Variants in NLGN4X observed in about 807,000 individuals in gnomAD.
The protein encoded by NLGN4X is neuroligin-4, X-linked.
NLGN4X carries 3 observed loss-of-function variants against 40.3 expected under a neutral mutation model. The observed-to-expected ratio is 0.07, with a 90% CI of 0.03 to 0.19. NLGN4X has a LOEUF of 0.19. Ranked by LOEUF, NLGN4X falls within the 10% of genes least tolerant of loss-of-function variation. The pLI, the probability that NLGN4X is intolerant of heterozygous loss-of-function variation, is 1.00. For synonymous variants in NLGN4X, 270 were observed against 306.8 expected, an observed-to-expected ratio of 0.88 and a Z score of 1.25; for missense variants, 382 against 708.3, an observed-to-expected ratio of 0.54 and a Z score of 5.23.
At chrX:6,167,577 A>C (rs1237607719) in intron 1 of NLGN4X, among the ~76,000 whole-genome samples, 1 of 112,199 alleles carries the variant, frequency 8.9e-6, no homozygotes, top group Non-Finnish European at 1.9e-5. Flanking sequence ...GAGGAAATAA[A>C]GTTTCATTAA....
chrX:5,908,449 C>T (rs2032318599), intron 4 of NLGN4X, among the ~76,000 whole-genome samples: 1 of 111,576 alleles, frequency 9.0e-6, no homozygotes, highest in Non-Finnish European at 1.9e-5. Flanking sequence ...TACTGTCTCT[C>T]TTCCATACTA....
At chrX:6,220,485 C>T (rs1233785219) in intron 1 of NLGN4X, among the ~76,000 whole-genome samples, 2 of 105,965 alleles carry the variant, frequency 1.9e-5, no homozygotes, top group Non-Finnish European at 3.9e-5. Flanking sequence ...CAACATTGCA[C>T]AATATTGATG....
intron 3 of NLGN4X, chrX:5,991,479 C>G: frequency 1.9e-6 from 1 of 520,894 alleles, no homozygotes; most frequent in Non-Finnish European, 3.5e-6. Context: ...GCAGGTGCAG[C>G]TGACAACGAT....
chrX:6,102,661 T>C (rs1424439717), intron 2 of NLGN4X, among the ~76,000 whole-genome samples: 3 of 109,829 alleles, frequency 2.7e-5, no homozygotes, highest in East Asian at 2.8e-4. Flanking sequence ...CATACATACA[T>C]ACATACATAC....
At chrX:6,099,294 A>T (rs1319093915) in intron 2 of NLGN4X, among the ~76,000 whole-genome samples, 1 of 112,552 alleles carries the variant, frequency 8.9e-6, no homozygotes, top group Admixed American at 9.4e-5. Context: ...TGTAGCTCGT[A>T]GAATATTCTG....
intron 2 of NLGN4X, among the ~76,000 whole-genome samples, chrX:6,060,324 G>C (rs1298643247): frequency 9.0e-6 from 1 of 111,572 alleles, no homozygotes; most frequent in Non-Finnish European, 1.9e-5. Flanking sequence ...AGTCATAGCA[G>C]ATCCACGATC....
chrX:5,978,319 T>TCC (rs1569164908), intron 3 of NLGN4X, among the ~76,000 whole-genome samples: 5 of 78,698 alleles, frequency 6.4e-5, no homozygotes, highest in African/African-American at 3.2e-4. Flanking sequence ...TTTCTTTCTT[T>TCC]CTTTCTTTCT....
chrX:6,115,108 G>A (rs749821593), intron 2 of NLGN4X, among the ~76,000 whole-genome samples: 1 of 111,991 alleles, frequency 8.9e-6, no homozygotes, highest in South Asian at 3.7e-4. Context: ...TGAGCAAATG[G>A]CCAAGAGAAC....
intron 3 of NLGN4X, among the ~76,000 whole-genome samples, chrX:5,968,727 C>G (rs979267274): frequency 9.3e-6 from 1 of 107,901 alleles, no homozygotes; most frequent in African/African-American, 3.4e-5. Flanking sequence ...TGAGTCTTGA[C>G]TTAACAGAAT....
intron 2 of NLGN4X, among the ~76,000 whole-genome samples, chrX:6,066,124 C>T (rs760309368): frequency 9.5e-4 from 106 of 111,956 alleles, no homozygotes; most frequent in Non-Finnish European, 1.7e-3. Context: ...ATATGAGGCT[C>T]CCCCTTGACA....
intron 2 of NLGN4X, among the ~76,000 whole-genome samples, chrX:6,065,355 T>C (rs1418372148): frequency 1.5e-4 from 3 of 20,514 alleles, no homozygotes; most frequent in African/African-American, 3.8e-4. Context: ...TGTCACTCTC[T>C]GGCCCTTAAA....
chrX:5,962,693 G>A (rs1411511882), intron 3 of NLGN4X, among the ~76,000 whole-genome samples: 1 of 111,740 alleles, frequency 8.9e-6, no homozygotes, highest in Admixed American at 9.5e-5. Flanking sequence ...ATTAGGAGGT[G>A]GCATCTTTAA....
At chrX:5,927,693 G>C (rs748114952) in intron 3 of NLGN4X, among the ~76,000 whole-genome samples, 96 of 112,178 alleles carry the variant, frequency 8.6e-4, no homozygotes, top group Non-Finnish European at 1.3e-3. Flanking sequence ...CACACATCTG[G>C]TAATGATTTC....
chrX:5,986,037 T>C (rs2035522309), intron 3 of NLGN4X, among the ~76,000 whole-genome samples: 2 of 111,874 alleles, frequency 1.8e-5, no homozygotes, highest in Non-Finnish European at 3.8e-5. Context: ...AAAACATCCA[T>C]AAACATCGTG....
At chrX:6,007,093 C>G (rs769321254) in intron 3 of NLGN4X, among the ~76,000 whole-genome samples, 90 of 111,425 alleles carry the variant, frequency 8.1e-4, no homozygotes, top group Middle Eastern at 4.6e-3. Context: ...TTTATATATA[C>G]CATGGTTTAT....
intron 2 of NLGN4X, among the ~76,000 whole-genome samples, chrX:6,082,958 T>A (rs2038397154): frequency 1.2e-5 from 1 of 82,977 alleles, no homozygotes; most frequent in African/African-American, 4.6e-5. Flanking sequence ...GTTTTTTTCT[T>A]TTTTTTTTTT....
At chrX:5,994,244 A>C (rs1406841984) in intron 3 of NLGN4X, among the ~76,000 whole-genome samples, 9 of 112,109 alleles carry the variant, frequency 8.0e-5, no homozygotes, top group Non-Finnish European at 1.7e-4. Context: ...GCCAAGGGTG[A>C]GGATAAAGAA....
intron 2 of NLGN4X, among the ~76,000 whole-genome samples, chrX:6,096,085 G>A (rs1005255973): frequency 2.7e-5 from 3 of 111,889 alleles, no homozygotes; most frequent in Non-Finnish European, 3.8e-5. Context: ...CCAGAACTGC[G>A]TTACAATATC....
At chrX:5,894,531 A>C (rs778207317) in intron 5 of NLGN4X, among the ~76,000 whole-genome samples, 6 of 111,857 alleles carry the variant, frequency 5.4e-5, no homozygotes, top group Non-Finnish European at 9.4e-5. Context: ...AGACACCCAG[A>C]AACAAGTCAA....
Sources: allele counts gnomAD v4.1 joint callset (sites outside exome capture counted in the v4.1 genomes callset), GRCh38; gene constraint gnomAD v4.1.1; transcripts MANE v1.5; gene names NCBI Gene and HGNC (gene_info 2026-07-23, HGNC 2026-07-21).